The following ERI3 variants were observed in gnomAD, a reference collection of about 807,000 sequenced individuals.
ERI3 encodes ERI1 exoribonuclease 3.
A neutral mutation model predicts 44.4 loss-of-function variants in ERI3; 18 were observed. That is an observed-to-expected ratio of 0.41 (90% CI 0.28 to 0.60). The LOEUF is 0.60. Among genes scored for constraint, ERI3 ranks in the 20% least tolerant of loss-of-function variants. ERI3 has a pLI of 0.36. For synonymous variants in ERI3, 183 were observed against 164.8 expected (o/e 1.11, Z -0.84); for missense variants, 294 against 435.5 (o/e 0.68, Z 2.89).
chr1:44,273,024 A>T (rs559232380), intron 7 of ERI3, among the ~76,000 whole-genome samples: 4 of 152,298 alleles, frequency 2.6e-5, no homozygotes, highest in African/African-American at 9.6e-5. Flanking sequence ...GACATTGCTA[A>T]TAGCTCCTTG....
At chr1:44,302,922 G>A (rs541420479) in intron 6 of ERI3, among the ~76,000 whole-genome samples, 9 of 152,300 alleles carry the variant, frequency 5.9e-5, no homozygotes, top group South Asian at 4.1e-4. Flanking sequence ...CTCTCTAGGC[G>A]TCAGTTTCCT....
chr1:44,352,020 A>G (rs1187275679), intron 2 of ERI3, among the ~76,000 whole-genome samples: 1 of 152,092 alleles, frequency 6.6e-6, no homozygotes, highest in African/African-American at 2.4e-5. Context: ...TTTTACTATC[A>G]GTCTCTCCCA....
At chr1:44,334,719 C>G (rs977630911) in intron 3 of ERI3, among the ~76,000 whole-genome samples, 2 of 152,178 alleles carry the variant, frequency 1.3e-5, no homozygotes, top group Admixed American at 1.3e-4. Flanking sequence ...TCCAGTTTCA[C>G]CTAGCTGAAT....
intron 3 of ERI3, among the ~76,000 whole-genome samples, chr1:44,322,371 C>A (rs1398480998): frequency 6.6e-6 from 1 of 150,950 alleles, no homozygotes; most frequent in Admixed American, 6.6e-5. Context: ...ACAAGCCAGA[C>A]TCGGATCCAC....
chr1:44,240,299 G>A (rs149140978), intron 8 of ERI3, among the ~76,000 whole-genome samples: 363 of 152,268 alleles, frequency 2.4e-3, no homozygotes, highest in Admixed American at 3.8e-3. Context: ...CCTTTGGCCT[G>A]GTTCAGCCTG....
chr1:44,317,514 C>T (rs1646115007), intron 4 of ERI3, among the ~76,000 whole-genome samples: 1 of 152,086 alleles, frequency 6.6e-6, no homozygotes, highest in Non-Finnish European at 1.5e-5. Flanking sequence ...AAAATAACTC[C>T]TTGACAATAT....
chr1:44,330,007 T>C (rs1327768677), intron 3 of ERI3, among the ~76,000 whole-genome samples: 1 of 152,172 alleles, frequency 6.6e-6, no homozygotes, highest in Admixed American at 6.5e-5. Flanking sequence ...CCAACTAACA[T>C]CCTAGTCCAA....
chr1:44,344,144 A>T (rs1012721766), intron 2 of ERI3, among the ~76,000 whole-genome samples: 1 of 151,926 alleles, frequency 6.6e-6, no homozygotes, highest in African/African-American at 2.4e-5. Context: ...GGGCTGAGGC[A>T]GGAGAATCGC....
At chr1:44,266,076 G>C (rs1644985576) in intron 7 of ERI3, among the ~76,000 whole-genome samples, 1 of 152,172 alleles carries the variant, frequency 6.6e-6, no homozygotes, top group African/African-American at 2.4e-5. Flanking sequence ...GATCAAAGAA[G>C]TGCAAGAAAC....
intron 2 of ERI3, among the ~76,000 whole-genome samples, chr1:44,342,822 T>TATATATATATATATATATATATAA (rs1646685905): frequency 1.5e-4 from 2 of 12,982 alleles, no homozygotes; most frequent in African/African-American, 6.3e-4. Context: ...AATATATATA[T>TATATATATATATATATATATATAA]ATATATATAT....
At chr1:44,230,280 A>C (rs1445468517) in intron 8 of ERI3, 1 of 152,176 alleles carries the variant, frequency 6.6e-6, no homozygotes, top group African/African-American at 2.4e-5. Flanking sequence ...AATCCCAGCC[A>C]AGGCCCCATC....
chr1:44,341,181 C>T (rs1374032236), intron 2 of ERI3, among the ~76,000 whole-genome samples: 2 of 152,174 alleles, frequency 1.3e-5, no homozygotes, highest in Admixed American at 6.5e-5. Flanking sequence ...AGTTTGAATC[C>T]TAGCTTTACC....
rs1471458377 is a variant in ERI3 at position 44,252,320 on chromosome 1, C to T, written c.832-4282G>A. ...ATTTCCATGCACAGGGAAGCAGGTGCCGAGCTGCTCCCGGCTGGCTCTCCC... is the reference window on the plus strand; with the variant it reads ...ATTTCCATGCACAGGGAAGCAGGTGTCGAGCTGCTCCCGGCTGGCTCTCCC... On this transcript the variant is annotated intron_variant, in intron 7 of 8. Transcript: ENST00000372257. This position sits in a 1 kb window ranked among gnomAD's most constrained non-coding sequence, Gnocchi z 4.7. Among the ~76,000 whole-genome samples, 1 of 152,240 alleles carries T rather than the reference C, an allele frequency of 6.6e-6. No homozygotes were observed. Among genetic ancestry groups the T allele is most frequent in the African/African-American group, 2.4e-5 (1 of 41,468 alleles).
intron 3 of ERI3, among the ~76,000 whole-genome samples, chr1:44,334,490 C>T (rs142705167): frequency 6.6e-6 from 1 of 152,268 alleles, no homozygotes; most frequent in Non-Finnish European, 1.5e-5. Flanking sequence ...TGTCAGGAAA[C>T]AATTCCTAAA....
intron 2 of ERI3, among the ~76,000 whole-genome samples, chr1:44,347,879 T>TTTTGTGTG (rs1553202287): frequency 1.3e-5 from 2 of 148,882 alleles, no homozygotes; most frequent in African/African-American, 4.9e-5. Flanking sequence ...GATTGTTTTG[T>TTTTGTGTG]TGTGTGTGTG....
At chr1:44,272,020 TCCCGTC>T (rs968140645) in intron 7 of ERI3, among the ~76,000 whole-genome samples, 11 of 152,190 alleles carry the variant, frequency 7.2e-5, no homozygotes, top group African/African-American at 2.7e-4. Flanking sequence ...TACCTGGATC[TCCCGTC>T]CCCCTGACTC....
At chr1:44,324,516 C>A in intron 3 of ERI3, among the ~76,000 whole-genome samples, 1 of 130,334 alleles carries the variant, frequency 7.7e-6, no homozygotes, top group African/African-American at 2.8e-5. Flanking sequence ...GAGTCTCGCT[C>A]TGTCGCCCAG....
intron 8 of ERI3, among the ~76,000 whole-genome samples, chr1:44,237,060 AGG>A (rs1255920777): frequency 6.6e-6 from 1 of 152,176 alleles, no homozygotes; most frequent in East Asian, 1.9e-4. Context: ...CAGGGGACTC[AGG>A]GGAGCGCCTG....
intron 2 of ERI3, among the ~76,000 whole-genome samples, chr1:44,351,741 C>T (rs1235490406): frequency 6.6e-6 from 1 of 152,190 alleles, no homozygotes; most frequent in Non-Finnish European, 1.5e-5. Context: ...TCCTCCTGTC[C>T]CCTGACCACT....
Sources: gnomAD v4.1 joint callset for allele counts (sites outside exome capture counted in the v4.1 genomes callset) on GRCh38, gnomAD v4.1.1 for gene constraint, Gnocchi (gnomAD v3.1) non-coding constraint, MANE v1.5 for transcripts, NCBI Gene and HGNC (gene_info 2026-07-23, HGNC 2026-07-21) for gene names.